PLCL2: variants seen among roughly 807,000 people sequenced by gnomAD.
PLCL2 encodes the protein inactive phospholipase C-like protein 2.
Under a neutral mutation model 79.6 loss-of-function variants are expected in PLCL2, and 4 were observed. The ratio of observed to expected loss-of-function variants is 0.05; its 90% CI spans 0.02 to 0.11. The LOEUF is 0.11. PLCL2 is among the 10% of genes least tolerant of loss of function. The probability of loss-of-function intolerance (pLI) is 1.00; values close to 1 mark genes in which losing one functional copy is unlikely to be tolerated. For synonymous variants in PLCL2, 484 were observed against 457.7 expected, an observed-to-expected ratio of 1.06 and a Z score of -0.73; for missense variants, 895 against 1,291.0, an observed-to-expected ratio of 0.69 and a Z score of 4.70.
intron 4 of PLCL2, among the ~76,000 whole-genome samples, chr3:17,066,784 C>T (rs2065014963): frequency 6.6e-6 from 1 of 152,128 alleles, no homozygotes; most frequent in East Asian, 1.9e-4. Context: ...AAACAACCAA[C>T]ATGCAGGACA....
chr3:16,921,313 A>T (rs1293447709), intron 1 of PLCL2, among the ~76,000 whole-genome samples: 1 of 152,220 alleles, frequency 6.6e-6, no homozygotes, highest in Admixed American at 6.5e-5. Context: ...CATCTGTTTC[A>T]TCATATAAGA....
At chr3:16,979,425 G>A (rs1224686368) in intron 1 of PLCL2, among the ~76,000 whole-genome samples, 2 of 120,402 alleles carry the variant, frequency 1.7e-5, no homozygotes, top group Admixed American at 8.3e-5. Context: ...GTGGAGGGAA[G>A]GTCAGCAGAT....
chr3:17,016,842 A>G (rs2064390275), intron 3 of PLCL2, among the ~76,000 whole-genome samples: 1 of 152,238 alleles, frequency 6.6e-6, no homozygotes. Context: ...AAAATCTAAT[A>G]TGATTTACCC....
At chr3:17,024,206 G>A (rs962951918) in intron 3 of PLCL2, among the ~76,000 whole-genome samples, 1 of 152,134 alleles carries the variant, frequency 6.6e-6, no homozygotes, top group Non-Finnish European at 1.5e-5. Flanking sequence ...TTTGTTAGGT[G>A]AATAACATTT....
At position 16,945,452 on chromosome 3, in the gene PLCL2, A is replaced by G. The variant is rs377675685; in HGVS notation, c.327+60086A>G. Among the ~76,000 whole-genome samples, 3 of 152,176 alleles carry G rather than the reference A, an allele frequency of 2.0e-5. No individual in the cohort carries two copies. The South Asian group carries it at 6.2e-4, about 32-fold the overall frequency. ...CTTGTATATCCACAGCACCTAGAAC[A>G]TTGCCTGGTACATGTTCAGCACTCT... On this transcript the variant is annotated intron_variant, in intron 1 of 5. Transcript: ENST00000615277.
At chr3:16,991,205 G>A (rs2064101751) in intron 1 of PLCL2, among the ~76,000 whole-genome samples, 1 of 152,158 alleles carries the variant, frequency 6.6e-6, no homozygotes, top group Non-Finnish European at 1.5e-5. Flanking sequence ...ACAGAGCAGG[G>A]GAGGAGGAGG....
At chr3:17,069,646 T>A (rs939542274) in intron 5 of PLCL2, among the ~76,000 whole-genome samples, 50 of 152,208 alleles carry the variant, frequency 3.3e-4, no homozygotes, top group African/African-American at 1.1e-3. Flanking sequence ...GCTGCCTTTT[T>A]AAATTTCCTC....
chr3:17,073,579 T>G (rs1214963722), intron 5 of PLCL2, among the ~76,000 whole-genome samples: 1 of 152,310 alleles, frequency 6.6e-6, no homozygotes, highest in South Asian at 2.1e-4. Context: ...ACCACAGATT[T>G]CTCTGTAGCG....
At chr3:16,981,070 A>G (rs2063990524) in intron 1 of PLCL2, among the ~76,000 whole-genome samples, 1 of 152,208 alleles carries the variant, frequency 6.6e-6, no homozygotes, top group Non-Finnish European at 1.5e-5. Context: ...GGTTGCAGTG[A>G]GCCGAGATGG....
intron 4 of PLCL2, among the ~76,000 whole-genome samples, chr3:17,049,667 G>T (rs985945134): frequency 6.6e-6 from 1 of 151,868 alleles, no homozygotes; most frequent in Non-Finnish European, 1.5e-5. Flanking sequence ...ACTAATGAAA[G>T]AAATTAAAGA....
chr3:16,890,898 A>C (rs1696331096), intron 1 of PLCL2, among the ~76,000 whole-genome samples: 1 of 152,222 alleles, frequency 6.6e-6, no homozygotes, highest in African/African-American at 2.4e-5. Flanking sequence ...TATATAACTC[A>C]TTGCATTGAG....
At chr3:17,049,650 A>G (rs983439223) in intron 4 of PLCL2, among the ~76,000 whole-genome samples, 5 of 152,200 alleles carry the variant, frequency 3.3e-5, no homozygotes, top group East Asian at 3.8e-4. Context: ...AATGAAAACT[A>G]TAAAACACTA....
intron 1 of PLCL2, among the ~76,000 whole-genome samples, chr3:16,944,948 C>T (rs1019323741): frequency 5.3e-5 from 8 of 151,858 alleles, no homozygotes; most frequent in Non-Finnish European, 1.0e-4. Flanking sequence ...TTAGTAGAGA[C>T]GGGGTTTCAC....
chr3:16,987,401 A>C (rs1352732527), intron 1 of PLCL2, among the ~76,000 whole-genome samples: 1 of 152,146 alleles, frequency 6.6e-6, no homozygotes, highest in East Asian at 1.9e-4. Context: ...GGCATGTGGC[A>C]GTCTTTTCAG....
intron 4 of PLCL2, among the ~76,000 whole-genome samples, chr3:17,065,976 T>G (rs573126776): frequency 6.6e-6 from 1 of 152,360 alleles, no homozygotes; most frequent in East Asian, 1.9e-4. Context: ...TTATTCCTGT[T>G]TGGAAATCCA....
At chr3:16,896,283 A>C (rs1163725241) in intron 1 of PLCL2, among the ~76,000 whole-genome samples, 2 of 151,974 alleles carry the variant, frequency 1.3e-5, no homozygotes, top group African/African-American at 4.8e-5. Context: ...AAAGCCCTGC[A>C]CTAGTTGATG....
intron 1 of PLCL2, among the ~76,000 whole-genome samples, chr3:16,909,464 A>G (rs900258641): frequency 3.3e-5 from 5 of 152,334 alleles, no homozygotes; most frequent in Admixed American, 2.6e-4. Context: ...CAAAGCACCC[A>G]ATGGTTTTAG....
chr3:17,017,889 C>T (rs543676208), intron 3 of PLCL2, among the ~76,000 whole-genome samples: 2 of 152,260 alleles, frequency 1.3e-5, no homozygotes, highest in South Asian at 2.1e-4. Flanking sequence ...GAATGCAGAT[C>T]GTTGTCCTAA....
chr3:16,924,344 C>T (rs891867261), intron 1 of PLCL2, among the ~76,000 whole-genome samples: 1 of 152,104 alleles, frequency 6.6e-6, no homozygotes, highest in Non-Finnish European at 1.5e-5. Flanking sequence ...TATTCTTTAT[C>T]ATATATGTCC....
Sources: gnomAD v4.1 joint callset for allele counts (sites outside exome capture counted in the v4.1 genomes callset) on GRCh38, gnomAD v4.1.1 for gene constraint, MANE v1.5 for transcripts, NCBI Gene and HGNC (gene_info 2026-07-23, HGNC 2026-07-21) for gene names.